The following LRRC4C variants were observed in gnomAD, a reference collection of about 807,000 sequenced individuals.
The protein encoded by LRRC4C is leucine rich repeat containing 4C.
LRRC4C carries 5 observed loss-of-function variants against 33.6 expected under a neutral mutation model. The observed-to-expected ratio is 0.15, with a 90% confidence interval of 0.08 to 0.31. LRRC4C has a LOEUF of 0.31. LRRC4C is among the 10% of genes least tolerant of loss of function. The pLI is 1.00. For synonymous variants in LRRC4C, 329 were observed against 302.0 expected (o/e 1.09, Z -0.93); for missense variants, 560 against 796.7 (o/e 0.70, Z 3.58).
At chr11:40,778,375 A>G (rs1264098423) in intron 2 of LRRC4C, among the ~76,000 whole-genome samples, 9 of 152,184 alleles carry the variant, frequency 5.9e-5, no homozygotes, top group Non-Finnish European at 1.5e-5. Flanking sequence ...ACAGTTTAGG[A>G]CTTCGATGCT....
chr11:40,303,722 A>C (rs1232147972), intron 4 of LRRC4C, among the ~76,000 whole-genome samples: 1 of 152,210 alleles, frequency 6.6e-6, no homozygotes, highest in Non-Finnish European at 1.5e-5. Context: ...AAAACTTGAA[A>C]GCACCATACT....
intron 2 of LRRC4C, among the ~76,000 whole-genome samples, chr11:40,848,319 C>G (rs938649943): frequency 2.0e-5 from 3 of 152,114 alleles, no homozygotes; most frequent in African/African-American, 7.2e-5. Flanking sequence ...ATTGCTTTAG[C>G]TGTGTCCCAG....
At chr11:40,875,816 A>G (rs1954856662) in intron 2 of LRRC4C, among the ~76,000 whole-genome samples, 1 of 152,094 alleles carries the variant, frequency 6.6e-6, no homozygotes, top group Admixed American at 6.6e-5. Context: ...GATGCACTTT[A>G]TTTCTATTAT....
At chr11:40,611,787 G>A (rs892619352) in intron 3 of LRRC4C, among the ~76,000 whole-genome samples, 1 of 151,734 alleles carries the variant, frequency 6.6e-6, no homozygotes, top group Non-Finnish European at 1.5e-5. Flanking sequence ...TTAATCATCA[G>A]AAACATGAAA....
chr11:41,188,570 T>C (rs750564878), intron 1 of LRRC4C, among the ~76,000 whole-genome samples: 1 of 152,100 alleles, frequency 6.6e-6, no homozygotes. Flanking sequence ...CAATCATTCA[T>C]AGATGGACTG....
intron 1 of LRRC4C, among the ~76,000 whole-genome samples, chr11:41,065,212 T>C (rs1286195874): frequency 1.4e-5 from 2 of 141,622 alleles, no homozygotes; most frequent in African/African-American, 5.1e-5. Flanking sequence ...ACAGGTTTGG[T>C]GAGGGGAGGG....
At chr11:41,394,711 T>C (rs973796408) in intron 1 of LRRC4C, 8 of 152,088 alleles carry the variant, frequency 5.3e-5, no homozygotes, top group Admixed American at 5.2e-4. Flanking sequence ...TTCTTTCTTA[T>C]TATATTACTA....
intron 1 of LRRC4C, among the ~76,000 whole-genome samples, chr11:41,259,351 T>C (rs1948903255): frequency 6.6e-6 from 1 of 152,072 alleles, no homozygotes; most frequent in South Asian, 2.1e-4. Flanking sequence ...GTTGTATTAC[T>C]TAACTATCTA....
chr11:41,128,936 G>T (rs1343289581), intron 1 of LRRC4C, among the ~76,000 whole-genome samples: 1 of 151,766 alleles, frequency 6.6e-6, no homozygotes, highest in African/African-American at 2.4e-5. Context: ...TATCTTCAAC[G>T]AGTGTTTATA....
intron 1 of LRRC4C, among the ~76,000 whole-genome samples, chr11:41,044,155 T>C (rs907784066): frequency 7.2e-5 from 11 of 152,146 alleles, no homozygotes; most frequent in African/African-American, 2.7e-4. Flanking sequence ...CTGAACATAA[T>C]GAATAGTGAT....
intron 2 of LRRC4C, among the ~76,000 whole-genome samples, chr11:40,780,931 A>G (rs1362118048): frequency 6.6e-6 from 1 of 152,168 alleles, no homozygotes; most frequent in Non-Finnish European, 1.5e-5. Flanking sequence ...AGAATGTAAA[A>G]TGAAAATGTA....
intron 3 of LRRC4C, among the ~76,000 whole-genome samples, chr11:40,467,034 A>G (rs559104226): frequency 6.6e-6 from 1 of 152,180 alleles, no homozygotes; most frequent in Admixed American, 6.5e-5. Flanking sequence ...AAAGGAAAAG[A>G]CGCAGCCTCA....
intron 2 of LRRC4C, among the ~76,000 whole-genome samples, chr11:40,912,584 GC>G (rs1194770136): frequency 6.6e-6 from 1 of 152,212 alleles, no homozygotes; most frequent in African/African-American, 2.4e-5. Context: ...ACCAGCCACT[GC>G]AAAACCATGC....
chr11:41,185,840 G>T (rs1945670914), intron 1 of LRRC4C, among the ~76,000 whole-genome samples: 1 of 151,500 alleles, frequency 6.6e-6, no homozygotes, highest in African/African-American at 2.4e-5. Context: ...ATACACAATT[G>T]TTCTATTATA....
chr11:41,284,048 C>T lies in LRRC4C; in HGVS notation c.-496+175383G>A, dbSNP rs963727883. On this transcript the variant is annotated intron_variant, in intron 1 of 6. Coordinates refer to ENST00000528697, the MANE Select transcript of LRRC4C (RefSeq NM_001258419.2). ...ATAAAAACTCAAATGTTAGATAAAA[C>T]ACTAGATAAAATTGTACCTATACTA... Among the ~76,000 whole-genome samples the T allele has an allele frequency of 1.3e-5, 2 of 152,058 alleles. 1 individual carries two copies. The highest frequency in any genetic ancestry group is 3.8e-4 in the East Asian group (2 of 5,196).
At chr11:40,384,441 TAACTC>T (rs1007637859) in intron 3 of LRRC4C, among the ~76,000 whole-genome samples, 2 of 152,202 alleles carry the variant, frequency 1.3e-5, no homozygotes, top group Non-Finnish European at 2.9e-5. Flanking sequence ...TAGGCACTAT[TAACTC>T]TATTATATAG....
At chr11:40,348,439 C>T (rs1159230488) in intron 3 of LRRC4C, among the ~76,000 whole-genome samples, 2 of 152,192 alleles carry the variant, frequency 1.3e-5, no homozygotes, top group Non-Finnish European at 2.9e-5. Flanking sequence ...AGAGGCACAG[C>T]TTAGCTTGTC....
At chr11:40,288,507 A>G (rs1207637477) in intron 4 of LRRC4C, among the ~76,000 whole-genome samples, 1 of 152,218 alleles carries the variant, frequency 6.6e-6, no homozygotes, top group African/African-American at 2.4e-5. Context: ...TCTTAAGGGG[A>G]AAACAGGTCC....
chr11:41,409,215 T>A (rs1954365534), intron 1 of LRRC4C, among the ~76,000 whole-genome samples: 1 of 152,192 alleles, frequency 6.6e-6, no homozygotes, highest in Non-Finnish European at 1.5e-5. Flanking sequence ...AACTGCTAGA[T>A]CATTACATTT....
Sources: gnomAD v4.1 joint callset for allele counts (sites outside exome capture counted in the v4.1 genomes callset) on GRCh38, gnomAD v4.1.1 for gene constraint, MANE v1.5 for transcripts, NCBI Gene and HGNC (gene_info 2026-07-23, HGNC 2026-07-21) for gene names.